The following SCN3B variants were observed in gnomAD, a reference collection of about 807,000 sequenced individuals.
SCN3B encodes the protein sodium channel regulatory subunit beta-3.
A neutral mutation model predicts 25.4 loss-of-function variants in SCN3B; 11 were observed. That is an observed-to-expected ratio of 0.43 (90% CI 0.27 to 0.72). SCN3B has a LOEUF of 0.72. Ranked by LOEUF, SCN3B falls within the 30% of genes least tolerant of loss-of-function variation. The probability of loss-of-function intolerance (pLI) is 0.18; values close to 1 mark genes in which losing one functional copy is unlikely to be tolerated. For missense variants in SCN3B, 218 were observed against 278.3 expected, an observed-to-expected ratio of 0.78 and a Z score of 1.54; for synonymous variants, 109 against 110.7, an observed-to-expected ratio of 0.99 and a Z score of 0.09.
At position 123,629,338 on chromosome 11, in the gene SCN3B, G is replaced by C. The variant is rs1565492034; in HGVS notation, c.*4461C>G. On this transcript the variant is annotated 3_prime_UTR_variant, in exon 7 of 7. Coordinates refer to ENST00000299333, the MANE Select transcript of SCN3B (RefSeq NM_001040151.2). The stretch of plus-strand genomic sequence containing the variant: ...CAGTTCACAAGCCTGCAAGCACTCG[G>C]CCTTCAGCGGCCTCCGTCTCCATCA... 2 of 152,222 alleles carry C rather than the reference G, an allele frequency of 1.3e-5. No individual in the cohort carries two copies. Among genetic ancestry groups the C allele is most frequent in the South Asian group, 4.1e-4 (2 of 4,834 alleles). 9.4% of individuals were successfully genotyped at this position (152,222 alleles called of 1,614,324 possible).
In SCN3B at chr11:123,642,788, G is replaced by A; in HGVS notation, c.220-117C>T. The A allele has an allele frequency of 1.3e-6, 1 of 797,782 alleles. No homozygotes were observed. The highest frequency in any genetic ancestry group is 1.4e-5 in the South Asian group (1 of 69,126). The allele number at this position is 797,782 out of a possible 1,614,324, so 49.4% of individuals were successfully genotyped here. A position where few individuals can be genotyped will look rare whatever the true frequency, so the allele number is the denominator to read the frequency against. On this transcript the variant is annotated intron_variant, in intron 3 of 6. Coordinates refer to ENST00000299333, the MANE Select transcript of SCN3B (RefSeq NM_001040151.2). The surrounding 1 kb of genome is among the most constrained non-coding windows in gnomAD (Gnocchi z 4.3). ...GAATTGTGCATGGACAGGGAAGAGA[G>A]GGGACAATGCCACCGGGAGACCCAG...
intron 3 of SCN3B, among the ~76,000 whole-genome samples, chr11:123,643,340 T>C (rs1254599941): frequency 1.3e-5 from 2 of 152,248 alleles, no homozygotes; most frequent in Non-Finnish European, 2.9e-5. Context: ...AAATATCATC[T>C]TTTAAATTTC....
rs867908034 is a variant in SCN3B at position 123,630,523 on chromosome 11, C to G, written c.*3276G>C. ...ATAAGCAACATCATGCCAGATAAAG[C>G]TTCCAGAGAAACAGACATCTAGTCT... On this transcript the variant is annotated 3_prime_UTR_variant, in exon 7 of 7. Coordinates refer to ENST00000299333, the MANE Select transcript of SCN3B (RefSeq NM_001040151.2). The G allele has an allele frequency of 6.6e-6, 1 of 152,610 alleles. No individual in the cohort carries two copies. Among genetic ancestry groups the G allele is most frequent in the Non-Finnish European group, 1.5e-5 (1 of 68,032 alleles). 9.5% of individuals were successfully genotyped at this position (152,610 alleles called of 1,614,324 possible). A position where few individuals can be genotyped will look rare whatever the true frequency, so the allele number is the denominator to read the frequency against.
chr11:123,641,846 T>C (rs1955795248), intron 4 of SCN3B, among the ~76,000 whole-genome samples: 1 of 152,060 alleles, frequency 6.6e-6, no homozygotes. Context: ...GAAAAAAAGA[T>C]TGTCAAACTT....
At chr11:123,653,285 A>C (rs1195662492) in intron 2 of SCN3B, among the ~76,000 whole-genome samples, 1 of 151,928 alleles carries the variant, frequency 6.6e-6, no homozygotes, top group Non-Finnish European at 1.5e-5. Flanking sequence ...GAGCAACTAA[A>C]GTATTTTCAC....
At chr11:123,647,400 C>T (rs1955865937) in intron 2 of SCN3B, among the ~76,000 whole-genome samples, 1 of 152,114 alleles carries the variant, frequency 6.6e-6, no homozygotes, top group Non-Finnish European at 1.5e-5. Context: ...ATTGCTTGAG[C>T]CCAGGAGTTT....
intron 3 of SCN3B, among the ~76,000 whole-genome samples, chr11:123,645,037 A>T (rs1955839120): frequency 6.6e-6 from 1 of 151,822 alleles, no homozygotes; most frequent in South Asian, 2.1e-4. Flanking sequence ...TCAGCCACTT[A>T]GGAGACTCGG....
In SCN3B at chr11:123,633,440, G is replaced by A. The variant is rs1955693842; in HGVS notation, c.*359C>T. 1 of 154,146 alleles carries A rather than the reference G, an allele frequency of 6.5e-6. No homozygotes were observed. The highest frequency in any genetic ancestry group is 6.4e-5 in the Admixed American group (1 of 15,692). The allele number at this position is 154,146 out of a possible 1,614,324, so 9.5% of individuals were successfully genotyped here. A position where few individuals can be genotyped will look rare whatever the true frequency, so the allele number is the denominator to read the frequency against. On this transcript the variant is annotated 3_prime_UTR_variant, in exon 7 of 7. Transcript: ENST00000299333. ...CCAGTTCCAGCCAGTTAAGGGCAGA[G>A]GGAGGTGCTAACTCCAGCACTTGTA...
Position 123,653,738 on chromosome 11 carries a change from G to C in SCN3B, c.55+9C>G. On this transcript the variant is annotated intron_variant, in intron 2 of 6. Coordinates refer to ENST00000299333, the MANE Select transcript of SCN3B (RefSeq NM_001040151.2). ...CCTGCATCCGGCATGGCGAGGTGCT[G>C]GTACTTACCCCAGTAGATAAGCACG... 1 of 1,613,998 alleles carries C rather than the reference G, an allele frequency of 6.2e-7. No individual in the cohort carries two copies. Among genetic ancestry groups the C allele is most frequent in the East Asian group, 2.2e-5 (1 of 44,890 alleles).
At position 123,645,540 on chromosome 11, in the gene SCN3B, C is replaced by T. The variant is rs1159125560; in HGVS notation, c.219+47G>A. The T allele has an allele frequency of 3.7e-6, 6 of 1,605,088 alleles. No individual in the cohort carries two copies. In the African/African-American group the frequency reaches 4.0e-5, roughly 11 times the overall value. ...GGACTGTCAGGAGCCAGGCTGGGAA[C>T]AGCAGAGGCCAGCAGAAGAAAGGCC... On this transcript the variant is annotated intron_variant, in intron 3 of 6. Coordinates refer to ENST00000299333, the MANE Select transcript of SCN3B (RefSeq NM_001040151.2).
At position 123,653,776 on chromosome 11, in the gene SCN3B, G is replaced by A; in HGVS notation, c.26C>T (p.Pro9Leu). The part of the protein sequence containing the change: MPAFNRLF[P>L]LASLVLIYWV... ...GTAGATAAGCACGAGAGAAGCCAGGGGAAACAATCTATTGAAGGCAGGCAT... is the reference window on the plus strand; with the variant it reads ...GTAGATAAGCACGAGAGAAGCCAGGAGAAACAATCTATTGAAGGCAGGCAT... The change falls in exon 2 of 7, where the codon CCC becomes CTC. Residue 9 changes from proline to leucine, a missense_variant. By Grantham distance (98) the Pro-to-Leu change is moderately conservative. Transcript: ENST00000299333. 2 of 1,614,234 alleles carry A rather than the reference G, an allele frequency of 1.2e-6. No homozygotes were observed. The highest frequency in any genetic ancestry group is 1.7e-6 in the Non-Finnish European group (2 of 1,180,044).
At chr11:123,641,497 T>C (rs67208860) in intron 4 of SCN3B, among the ~76,000 whole-genome samples, 12,045 of 152,278 alleles carry the variant, frequency 0.079, 494 homozygotes, top group Middle Eastern at 0.14. Flanking sequence ...TGGATCCTTT[T>C]TTCTAGGAAG....
At chr11:123,653,926 G>A (rs563402702) in intron 1 of SCN3B, 100 bp from the exon 2 acceptor site, 15 of 1,130,302 alleles carry the variant, frequency 1.3e-5, no homozygotes, top group Non-Finnish European at 2.0e-5. Flanking sequence ...CTTTCTGACC[G>A]AAGGAAGGGC....
At chr11:123,649,129 T>A (rs992704440) in intron 2 of SCN3B, among the ~76,000 whole-genome samples, 1 of 152,178 alleles carries the variant, frequency 6.6e-6, no homozygotes, top group African/African-American at 2.4e-5. Context: ...AAGATGACAG[T>A]AGAGCTGGTG....
chr11:123,654,049 G>A, intron 1 of SCN3B, 177 bp downstream of exon 1: 1 of 576,440 alleles, frequency 1.7e-6, no homozygotes, highest in Non-Finnish European at 3.1e-6. Flanking sequence ...CAGCCGCTCC[G>A]CGCCCGCTCT....
intron 5 of SCN3B, among the ~76,000 whole-genome samples, chr11:123,637,240 A>C (rs1269271785): frequency 6.6e-6 from 1 of 152,188 alleles, no homozygotes; most frequent in African/African-American, 2.4e-5. Context: ...AGAGGATTAG[A>C]GTCCCCACTC....
chr11:123,648,827 AAAC>A (rs2137251075), intron 2 of SCN3B, among the ~76,000 whole-genome samples: 1 of 152,350 alleles, frequency 6.6e-6, no homozygotes, highest in East Asian at 1.9e-4. Flanking sequence ...AAATTACAGC[AAAC>A]AACGTGAGAA....
chr11:123,638,132 C>T, intron 5 of SCN3B, 54 bp downstream of exon 5: 1 of 1,607,026 alleles, frequency 6.2e-7, no homozygotes. Flanking sequence ...CCTGTGAGAG[C>T]AAGCATTCTG....
chr11:123,643,482 C>A (rs1295614671), intron 3 of SCN3B, among the ~76,000 whole-genome samples: 1 of 152,248 alleles, frequency 6.6e-6, no homozygotes, highest in Admixed American at 6.5e-5. Context: ...TACTTAAATT[C>A]AATTTCTTAG....
Sources: allele counts gnomAD v4.1 joint callset (sites outside exome capture counted in the v4.1 genomes callset), GRCh38; gene constraint gnomAD v4.1.1; non-coding constraint Gnocchi (gnomAD v3.1); transcripts MANE v1.5; gene names NCBI Gene and HGNC (gene_info 2026-07-23, HGNC 2026-07-21).